Variants in LRRC40 observed in about 807,000 individuals in gnomAD.
LRRC40 encodes leucine rich repeat containing 40.
LRRC40 carries 76 observed loss-of-function variants against 72.8 expected under a neutral mutation model. The observed-to-expected ratio is 1.04, with a 90% CI of 0.87 to 1.26. The LOEUF is 1.26. LRRC40 is among the 50% of genes most tolerant of loss of function. The pLI is 0.00. For synonymous variants in LRRC40, 243 were observed against 254.2 expected, an observed-to-expected ratio of 0.96 and a Z score of 0.42; for missense variants, 684 against 698.9, an observed-to-expected ratio of 0.98 and a Z score of 0.24.
intron 1 of LRRC40, among the ~76,000 whole-genome samples, chr1:70,202,928 T>C (rs1396983597): frequency 6.6e-6 from 1 of 152,232 alleles, no homozygotes; most frequent in Admixed American, 6.5e-5. Flanking sequence ...TCTCACTCTC[T>C]TGCCCAAGCT....
intron 1 of LRRC40, among the ~76,000 whole-genome samples, chr1:70,190,696 A>AC (rs1668479769): frequency 8.7e-6 from 1 of 115,058 alleles, no homozygotes. Context: ...AAAAAAAAAA[A>AC]CTTAAAAAAA....
chr1:70,176,494 TGC>T (rs1180041666), intron 6 of LRRC40, among the ~76,000 whole-genome samples: 6 of 136,624 alleles, frequency 4.4e-5, no homozygotes, highest in Admixed American at 8.2e-5. Context: ...ATCACACCAT[TGC>T]ACTCTAGCCT....
At chr1:70,200,214 C>T (rs936659415) in intron 1 of LRRC40, among the ~76,000 whole-genome samples, 1 of 152,074 alleles carries the variant, frequency 6.6e-6, no homozygotes, top group African/African-American at 2.4e-5. Flanking sequence ...CACCCATAAT[C>T]CCAGTACTTC....
In LRRC40 at chr1:70,145,470, A is replaced by G. The variant is rs1027161547; in HGVS notation, c.*330T>C. Reference sequence around the variant, plus strand: ...ACTGAACCACATTAAATAAAAATTCATTTTTGAAAAAACTGCTTGCTATAA... The same window carrying G: ...ACTGAACCACATTAAATAAAAATTCGTTTTTGAAAAAACTGCTTGCTATAA... On this transcript the variant is annotated 3_prime_UTR_variant, in exon 15 of 15. Transcript: ENST00000370952. 39 of 163,942 alleles carry G rather than the reference A, an allele frequency of 2.4e-4. No homozygotes were observed. The highest frequency in any genetic ancestry group is 1.8e-3 in the Admixed American group (28 of 15,716). The allele number at this position is 163,942 out of a possible 1,614,324, so 10.2% of individuals were successfully genotyped here. A position where few individuals can be genotyped will look rare whatever the true frequency, so the allele number is the denominator to read the frequency against.
intron 6 of LRRC40, among the ~76,000 whole-genome samples, chr1:70,176,785 C>A (rs1668115774): frequency 6.6e-6 from 1 of 151,676 alleles, no homozygotes; most frequent in Non-Finnish European, 1.5e-5. Flanking sequence ...CACTTGCAAA[C>A]CAACTGTGTA....
chr1:70,201,457 A>C (rs1185340081), intron 1 of LRRC40, among the ~76,000 whole-genome samples: 2 of 152,180 alleles, frequency 1.3e-5, no homozygotes, highest in East Asian at 3.9e-4. Flanking sequence ...CCACCAGCCT[A>C]TTTACATATG....
intron 10 of LRRC40, 30 bp from the exon 11 acceptor site, chr1:70,155,826 C>G: frequency 9.9e-7 from 1 of 1,008,370 alleles, no homozygotes. Context: ...AAAAAACGAA[C>G]CATTCTTAGC....
chr1:70,187,321 C>A lies in LRRC40; in HGVS notation c.351G>T (p.Leu117Phe). 6.4e-7 allele frequency: 1 copy of A among 1,571,700 alleles called. No individual in the cohort carries two copies. The highest frequency in any genetic ancestry group is 1.1e-5 in the South Asian group (1 of 87,970). Residue 117 changes from leucine to phenylalanine, a missense_variant, in exon 3 of 15, where the codon TTG (leucine) becomes TTT (phenylalanine). Leu to Phe is a conservative substitution (Grantham distance 22). Coordinates refer to ENST00000370952, the MANE Select transcript of LRRC40 (RefSeq NM_017768.5). ...CTCTTATAGCAGAAGGAAGGGATGT[C>A]AACTGATTATCATGTATCTAAAAGT... ...LTVLDIHDNQ[L>F]TSLPSAIREL...
In LRRC40 at chr1:70,175,843, T is replaced by C. The variant is rs1668091516; in HGVS notation, c.944A>G (p.Glu315Gly). 4 of 1,578,950 alleles carry C rather than the reference T, an allele frequency of 2.5e-6. No individual in the cohort carries two copies. The South Asian group carries it at 3.6e-5, about 14-fold the overall frequency. The change falls in exon 7 of 15, where the codon GAA (glutamate) becomes GGA (glycine). Residue 315 changes from glutamate to glycine, a missense_variant. Glu to Gly is a moderately conservative substitution (Grantham distance 98, BLOSUM62 -2). Transcript: ENST00000370952. ...PDEIILLRSL[E>G]RLDLSNNDIS... ...ATCATTGTTGCTTAGGTCAAGCCTTTCCAAGGACCGTAGTAGTATAATTTC... is the reference window on the plus strand; with the variant it reads ...ATCATTGTTGCTTAGGTCAAGCCTTCCCAAGGACCGTAGTAGTATAATTTC...
intron 4 of LRRC40, among the ~76,000 whole-genome samples, chr1:70,183,533 T>C (rs1668294926): frequency 6.6e-6 from 1 of 152,050 alleles, no homozygotes; most frequent in African/African-American, 2.4e-5. Flanking sequence ...TTTCTTCCTT[T>C]CTCTCTCTTT....
intron 7 of LRRC40, among the ~76,000 whole-genome samples, chr1:70,175,455 T>C (rs1417206445): frequency 6.6e-6 from 1 of 152,208 alleles, no homozygotes; most frequent in Admixed American, 6.5e-5. Context: ...CGTACCCATA[T>C]TTGGGAAACA....
chr1:70,170,509 A>C (rs1042582344), intron 9 of LRRC40, among the ~76,000 whole-genome samples: 4 of 152,182 alleles, frequency 2.6e-5, no homozygotes, highest in African/African-American at 9.6e-5. Flanking sequence ...TCAAAAAATT[A>C]TTGGAACTAA....
intron 10 of LRRC40, among the ~76,000 whole-genome samples, 187 bp from the exon 11 acceptor site, chr1:70,155,983 C>CAACATATTGTGTTAT (rs1196821681): frequency 1.3e-5 from 2 of 151,988 alleles, no homozygotes; most frequent in African/African-American, 4.8e-5. Context: ...GGAATTCAGA[C>CAACATATTGTGTTAT]AACATATTGT....
intron 1 of LRRC40, among the ~76,000 whole-genome samples, chr1:70,195,166 T>C (rs1442849686): frequency 6.6e-6 from 1 of 151,944 alleles, no homozygotes; most frequent in Non-Finnish European, 1.5e-5. Flanking sequence ...AAAAATGTCT[T>C]GGGACAGAAA....
intron 9 of LRRC40, 88 bp downstream of exon 9, chr1:70,173,377 T>C: frequency 2.2e-6 from 2 of 914,756 alleles, no homozygotes; most frequent in South Asian, 3.0e-5. Flanking sequence ...CAAATATGTA[T>C]ACCCAAAAGA....
chr1:70,157,162 T>C (rs957035803), intron 10 of LRRC40, among the ~76,000 whole-genome samples: 1 of 152,218 alleles, frequency 6.6e-6, no homozygotes, highest in African/African-American at 2.4e-5. Flanking sequence ...TGCATTGTAA[T>C]ACAAATATGT....
chr1:70,192,726 C>G (rs1248614970), intron 1 of LRRC40, among the ~76,000 whole-genome samples: 2 of 152,084 alleles, frequency 1.3e-5, no homozygotes. Flanking sequence ...AAACAAAATA[C>G]TGTATGTTCT....
intron 4 of LRRC40, among the ~76,000 whole-genome samples, chr1:70,182,475 C>T (rs1417743098): frequency 6.6e-6 from 1 of 151,852 alleles, no homozygotes; most frequent in Non-Finnish European, 1.5e-5. Context: ...ACTATATTTG[C>T]TTTTCTATAA....
intron 9 of LRRC40, among the ~76,000 whole-genome samples, chr1:70,160,233 G>A (rs562207869): frequency 2.0e-5 from 3 of 152,210 alleles, no homozygotes; most frequent in Non-Finnish European, 2.9e-5. Flanking sequence ...CAGAAGGCAC[G>A]CCAAAAGAAA....
Sources: gnomAD v4.1 joint callset for allele counts (sites outside exome capture counted in the v4.1 genomes callset) on GRCh38, gnomAD v4.1.1 for gene constraint, MANE v1.5 for transcripts, NCBI Gene and HGNC (gene_info 2026-07-23, HGNC 2026-07-21) for gene names.